The following ARHGEF12 variants were observed in gnomAD, a reference collection of about 807,000 sequenced individuals.
ARHGEF12 encodes the protein Rho guanine nucleotide exchange factor 12, also known as KMT2A/ARHGEF12 fusion protein.
A neutral mutation model predicts 211.2 loss-of-function variants in ARHGEF12; 66 were observed. The ratio of observed to expected loss-of-function variants is 0.31; its 90% CI spans 0.26 to 0.38. ARHGEF12 has a LOEUF of 0.38. Ranked by LOEUF, ARHGEF12 falls within the 10% of genes least tolerant of loss-of-function variation. The probability of loss-of-function intolerance (pLI) is 1.00; values close to 1 mark genes in which losing one functional copy is unlikely to be tolerated. For missense variants in ARHGEF12, 1,429 were observed against 1,869.5 expected (o/e 0.76, Z 4.34); for synonymous variants, 592 against 638.4 (o/e 0.93, Z 1.09).
At chr11:120,350,450 G>T (rs1413594172) in intron 1 of ARHGEF12, among the ~76,000 whole-genome samples, 5 of 151,312 alleles carry the variant, frequency 3.3e-5, no homozygotes, top group Non-Finnish European at 5.9e-5. Flanking sequence ...GGGAGGCAGT[G>T]CTTGCAGTGA....
At chr11:120,412,898 C>T (rs528041353) in intron 4 of ARHGEF12, among the ~76,000 whole-genome samples, 1 of 152,266 alleles carries the variant, frequency 6.6e-6, no homozygotes, top group East Asian at 1.9e-4. Context: ...TTGATTCTAC[C>T]ATCACAATAT....
chr11:120,421,455 T>TTTTTTTG (rs1555109035), intron 5 of ARHGEF12, among the ~76,000 whole-genome samples: 4 of 99,958 alleles, frequency 4.0e-5, no homozygotes, highest in African/African-American at 3.9e-5. Context: ...TTTTTTTTTT[T>TTTTTTTG]GGAGATGGAG....
rs750960391 is a variant in ARHGEF12 at position 120,481,389 on chromosome 11, A to G, written c.4367A>G (p.His1456Arg). ...PAVESTHQQQ[H>R]SPQNTHSDGA... ...GTGGAATCCACCCACCAGCAGCAACATTCTCCTCAGAATACTCACTCCGAT... is the reference window on the plus strand; with the variant it reads ...GTGGAATCCACCCACCAGCAGCAACGTTCTCCTCAGAATACTCACTCCGAT... The change falls in exon 39 of 41, where the codon CAT becomes CGT. Residue 1456 changes from histidine (H) to arginine (R), a missense_variant. Around this residue, in one of 7 missense-constraint regions of ARHGEF12, gnomAD observed 467 missense variants for 468.4 expected, o/e 1.00. Transcript: ENST00000397843. 6.2e-6 allele frequency: 10 copies of G among 1,614,026 alleles called. No homozygotes were observed. The highest frequency in any genetic ancestry group is 1.7e-5 in the Admixed American group (1 of 59,994).
chr11:120,368,190 G>A (rs142082187), intron 1 of ARHGEF12, among the ~76,000 whole-genome samples: 1,909 of 152,076 alleles, frequency 0.013, 35 homozygotes, highest in African/African-American at 0.044. Flanking sequence ...CAATCCTCCC[G>A]CCTCATTGTC....
rs1036634637 is a variant in ARHGEF12, at chr11:120,343,975, G to A, written c.32+6700G>A. Among the ~76,000 whole-genome samples, 6 of 152,140 alleles carry A rather than the reference G, an allele frequency of 3.9e-5. 1 individual carries two copies. Among genetic ancestry groups the A allele is most frequent in the Non-Finnish European group, 8.8e-5 (6 of 67,974 alleles). On this transcript the variant is annotated intron_variant, in intron 1 of 40. Transcript: ENST00000397843. ...AAAAAATGTAGATTATTTTGTTGTA[G>A]AAAAACTGGCCAGGCGCGGTGGCTC...
intron 17 of ARHGEF12, 61 bp from the exon 18 acceptor site, chr11:120,446,887 G>A (rs1266279569): frequency 1.5e-5 from 23 of 1,565,026 alleles, no homozygotes; most frequent in Admixed American, 5.6e-5. Flanking sequence ...GTGATGAAGC[G>A]TCCCCAGAAT....
intron 11 of ARHGEF12, among the ~76,000 whole-genome samples, chr11:120,432,607 G>A (rs1187844719): frequency 2.0e-5 from 3 of 152,172 alleles, no homozygotes; most frequent in Non-Finnish European, 4.4e-5. Context: ...CGAATGTTTT[G>A]TAATTGTGGG....
rs1944153347 is a variant in ARHGEF12, at chr11:120,389,677, A to G, written c.33-16441A>G. Among the ~76,000 whole-genome samples, 3 of 152,054 alleles carry G rather than the reference A, an allele frequency of 2.0e-5. No homozygotes were observed. In the South Asian group the frequency reaches 6.2e-4, roughly 32 times the overall value. On this transcript the variant is annotated intron_variant, in intron 1 of 40. Transcript: ENST00000397843. Reference sequence around the variant, plus strand: ...CTATTTTTTACTATAATCACCCTCCACTACCCTTCCCAGCCTCTGATAATC... The same window carrying G: ...CTATTTTTTACTATAATCACCCTCCGCTACCCTTCCCAGCCTCTGATAATC...
chr11:120,361,056 G>A (rs1439683281), intron 1 of ARHGEF12, among the ~76,000 whole-genome samples: 1 of 152,116 alleles, frequency 6.6e-6, no homozygotes, highest in East Asian at 1.9e-4. Context: ...CTGCGTACTT[G>A]GAAAGATCAT....
At chr11:120,484,566 A>G (rs1947349176) in intron 40 of ARHGEF12, 59 bp downstream of exon 40, 7 of 1,396,576 alleles carry the variant, frequency 5.0e-6, no homozygotes, top group Middle Eastern at 1.8e-4. Flanking sequence ...GAATGAAATG[A>G]CTTATCATAC....
At chr11:120,423,945 A>C (rs1945271193) in intron 6 of ARHGEF12, among the ~76,000 whole-genome samples, 1 of 152,222 alleles carries the variant, frequency 6.6e-6, no homozygotes, top group African/African-American at 2.4e-5. Flanking sequence ...AAAAACTAAA[A>C]GCAAATTGAA....
intron 1 of ARHGEF12, among the ~76,000 whole-genome samples, chr11:120,362,081 A>C (rs558300931): frequency 5.9e-5 from 9 of 152,350 alleles, no homozygotes; most frequent in African/African-American, 1.9e-4. Flanking sequence ...CAAAGTACCA[A>C]GAAAGAATAT....
At chr11:120,386,963 C>T (rs1036797323) in intron 1 of ARHGEF12, among the ~76,000 whole-genome samples, 4 of 152,160 alleles carry the variant, frequency 2.6e-5, no homozygotes, top group South Asian at 4.1e-4. Context: ...AGCATTTTAT[C>T]ATGATTATTT....
intron 1 of ARHGEF12, among the ~76,000 whole-genome samples, chr11:120,347,772 T>A (rs1436032722): frequency 3.3e-5 from 5 of 152,168 alleles, no homozygotes; most frequent in African/African-American, 1.2e-4. Context: ...GACATTCTGT[T>A]ATGGATCTAG....
intron 7 of ARHGEF12, among the ~76,000 whole-genome samples, chr11:120,425,889 T>G (rs970783261): frequency 6.6e-6 from 1 of 152,156 alleles, no homozygotes; most frequent in Non-Finnish European, 1.5e-5. Context: ...AAATAAGAGA[T>G]AGTTGTTTGT....
At position 120,485,180 on chromosome 11, in the gene ARHGEF12, G is replaced by C. The variant is rs1007460229; in HGVS notation, c.*103G>C. Reference sequence around the variant, plus strand: ...GTGGATGCAGAGAGAGTGTGACAGAGGATCTGCCTGTGAACCACCTGGGAT... The same window carrying C: ...GTGGATGCAGAGAGAGTGTGACAGACGATCTGCCTGTGAACCACCTGGGAT... On this transcript the variant is annotated 3_prime_UTR_variant, in exon 41 of 41. Coordinates refer to ENST00000397843, the MANE Select transcript of ARHGEF12 (RefSeq NM_015313.3). 2.0e-6 allele frequency: 3 copies of C among 1,478,624 alleles called. No individual in the cohort carries two copies. Among genetic ancestry groups the C allele is most frequent in the Non-Finnish European group, 2.8e-6 (3 of 1,065,184 alleles). 91.6% of individuals were successfully genotyped at this position (1,478,624 alleles called of 1,614,324 possible).
At chr11:120,355,306 C>G (rs542115776) in intron 1 of ARHGEF12, among the ~76,000 whole-genome samples, 6 of 152,270 alleles carry the variant, frequency 3.9e-5, no homozygotes, top group African/African-American at 1.4e-4. Context: ...TATTTGTATA[C>G]TAGTCGTTTA....
intron 1 of ARHGEF12, among the ~76,000 whole-genome samples, chr11:120,347,054 A>G (rs560078991): frequency 6.6e-6 from 1 of 152,054 alleles, no homozygotes; most frequent in East Asian, 1.9e-4. Flanking sequence ...ACTTGTTTTG[A>G]TTTCATTTTG....
intron 34 of ARHGEF12, 193 bp downstream of exon 34, chr11:120,476,941 T>A: frequency 1.7e-6 from 1 of 597,234 alleles, no homozygotes; most frequent in Non-Finnish European, 2.9e-6. Flanking sequence ...TTCTGAAAGT[T>A]TATTTCCTAA....
Sources: gnomAD v4.1 joint callset for allele counts (sites outside exome capture counted in the v4.1 genomes callset) on GRCh38, gnomAD v4.1.1 for gene constraint, gnomAD v4.1.1 regional missense constraint, MANE v1.5 for transcripts, NCBI Gene and HGNC (gene_info 2026-07-23, HGNC 2026-07-21) for gene names.